The following RCAN2 variants were observed in gnomAD, a reference collection of about 807,000 sequenced individuals.
RCAN2 encodes the protein calcipressin-2.
RCAN2 carries 9 observed loss-of-function variants against 23.6 expected under a neutral mutation model. That is an observed-to-expected ratio of 0.38 (90% CI 0.23 to 0.67). The LOEUF is 0.67. RCAN2 is among the 30% of genes least tolerant of loss of function. The pLI, the probability that RCAN2 is intolerant of heterozygous loss-of-function variation, is 0.51. For synonymous variants in RCAN2, 109 were observed against 115.7 expected, an observed-to-expected ratio of 0.94 and a Z score of 0.37; for missense variants, 273 against 302.3, an observed-to-expected ratio of 0.90 and a Z score of 0.72.
At chr6:46,347,504 A>G (rs1448537560) in intron 2 of RCAN2, among the ~76,000 whole-genome samples, 2 of 152,232 alleles carry the variant, frequency 1.3e-5, no homozygotes, top group Admixed American at 1.3e-4. Flanking sequence ...CCTTACATTC[A>G]AGGGAAAAGT....
chr6:46,420,761 G>A lies in RCAN2; in HGVS notation c.225+35991C>T, dbSNP rs376370528. On this transcript the variant is annotated intron_variant, in intron 2 of 4. Transcript: ENST00000371374. Reference sequence around the variant, plus strand: ...GGGGTTTTATCATGTTGGCCAGGCTGGTCTCGAACTCTTGACCTCAGGTAA... The same window carrying A: ...GGGGTTTTATCATGTTGGCCAGGCTAGTCTCGAACTCTTGACCTCAGGTAA... Among the ~76,000 whole-genome samples the A allele has an allele frequency of 8.6e-5, 13 of 152,014 alleles. No homozygotes were observed. The East Asian group carries it at 2.3e-3, about 27-fold the overall frequency.
chr6:46,369,263 C>A (rs1765261297), intron 2 of RCAN2, among the ~76,000 whole-genome samples: 1 of 151,954 alleles, frequency 6.6e-6, no homozygotes, highest in Non-Finnish European at 1.5e-5. Context: ...TGGAATACCT[C>A]CTGAAGGACC....
chr6:46,288,294 G>C (rs1762434963), intron 2 of RCAN2, among the ~76,000 whole-genome samples: 1 of 152,182 alleles, frequency 6.6e-6, no homozygotes, highest in Admixed American at 6.5e-5. Flanking sequence ...TTGGAGAGTA[G>C]ACCAGCTTTC....
At chr6:46,237,330 C>G (rs1766137058) in intron 4 of RCAN2, among the ~76,000 whole-genome samples, 1 of 152,170 alleles carries the variant, frequency 6.6e-6, no homozygotes, top group South Asian at 2.1e-4. Flanking sequence ...AAAGAAGAGA[C>G]TATAAATTAT....
rs544081580 is a variant in RCAN2 at position 46,264,854 on chromosome 6, C to G, written c.226-15958G>C. 6.6e-5 allele frequency among the ~76,000 whole-genome samples: 10 copies of G among 152,298 alleles called. No homozygotes were observed. In the South Asian group the frequency reaches 2.1e-3, roughly 32 times the overall value. ...AAATGCTTTCTATATGCCAAGTCCACACTAGGCCCCGCACATATGCTAATT... is the reference window on the plus strand; with the variant it reads ...AAATGCTTTCTATATGCCAAGTCCAGACTAGGCCCCGCACATATGCTAATT... On this transcript the variant is annotated intron_variant, in intron 2 of 4. Coordinates refer to ENST00000371374, the MANE Select transcript of RCAN2 (RefSeq NM_001251974.2).
rs73456906 is a variant in RCAN2, at chr6:46,480,431, T to C, written c.-3+10742A>G. On this transcript the variant is annotated intron_variant, in intron 1 of 4. Coordinates refer to ENST00000371374, the MANE Select transcript of RCAN2 (RefSeq NM_001251974.2). The stretch of plus-strand genomic sequence containing the variant: ...AAGAATGCACTATCTTACCAAAACA[T>C]AAGCATTTCAAAATAATTTGAGTTT... Among the ~76,000 whole-genome samples, 380 of 152,266 alleles carry C rather than the reference T, an allele frequency of 2.5e-3. 2 individuals are homozygous for C. The highest frequency in any genetic ancestry group is 8.8e-3 in the African/African-American group (365 of 41,544).
intron 2 of RCAN2, among the ~76,000 whole-genome samples, chr6:46,403,467 G>T (rs1039939722): frequency 6.6e-6 from 1 of 151,936 alleles, no homozygotes; most frequent in Non-Finnish European, 1.5e-5. Context: ...AGTTACTTGG[G>T]AGGCTGAGGC....
intron 4 of RCAN2, among the ~76,000 whole-genome samples, chr6:46,227,565 A>C (rs982185738): frequency 4.3e-5 from 6 of 140,694 alleles, no homozygotes; most frequent in Non-Finnish European, 6.3e-5. Context: ...TTTCTAGTTT[A>C]TTTGCGTAGA....
intron 2 of RCAN2, among the ~76,000 whole-genome samples, chr6:46,377,492 G>T (rs1011832768): frequency 6.6e-6 from 1 of 152,184 alleles, no homozygotes; most frequent in African/African-American, 2.4e-5. Flanking sequence ...AAGAGACTTG[G>T]TGTACAGCGT....
intron 4 of RCAN2, among the ~76,000 whole-genome samples, chr6:46,232,533 TG>T (rs1765933385): frequency 6.6e-6 from 1 of 152,032 alleles, no homozygotes; most frequent in African/African-American, 2.4e-5. Context: ...GTCTCATGCC[TG>T]TAATGCCAGC....
At chr6:46,431,699 T>C (rs1479759176) in intron 2 of RCAN2, among the ~76,000 whole-genome samples, 1 of 152,208 alleles carries the variant, frequency 6.6e-6, no homozygotes, top group East Asian at 1.9e-4. Flanking sequence ...TTGGCTAGCT[T>C]CCTTTAACTT....
chr6:46,359,195 C>T (rs1375475014), intron 2 of RCAN2, among the ~76,000 whole-genome samples: 2 of 152,142 alleles, frequency 1.3e-5, no homozygotes, highest in Non-Finnish European at 2.9e-5. Flanking sequence ...TGCTCTAAGG[C>T]GTAACAGGTG....
intron 2 of RCAN2, among the ~76,000 whole-genome samples, chr6:46,387,131 C>A (rs1765778719): frequency 6.6e-6 from 1 of 152,138 alleles, no homozygotes; most frequent in African/African-American, 2.4e-5. Context: ...AAATGTTAGA[C>A]CTAAAACCAT....
At chr6:46,325,011 G>A (rs551236683) in intron 2 of RCAN2, among the ~76,000 whole-genome samples, 1 of 152,362 alleles carries the variant, frequency 6.6e-6, no homozygotes, top group East Asian at 1.9e-4. Flanking sequence ...TGGCCTGGAT[G>A]CTGGGTTTAT....
At chr6:46,379,069 T>C (rs1225444219) in intron 2 of RCAN2, among the ~76,000 whole-genome samples, 1 of 152,178 alleles carries the variant, frequency 6.6e-6, no homozygotes, top group East Asian at 1.9e-4. Context: ...GACTCATCAA[T>C]CAAATTAGTT....
At chr6:46,406,822 T>C (rs893405262) in intron 2 of RCAN2, among the ~76,000 whole-genome samples, 1 of 152,254 alleles carries the variant, frequency 6.6e-6, no homozygotes, top group Non-Finnish European at 1.5e-5. Flanking sequence ...TTATATTTTA[T>C]TCTCATTTCT....
chr6:46,309,578 G>A (rs1763187699), intron 2 of RCAN2, among the ~76,000 whole-genome samples: 1 of 152,096 alleles, frequency 6.6e-6, no homozygotes, highest in African/African-American at 2.4e-5. Flanking sequence ...TTAGGTTGGT[G>A]CTCAAGGTCA....
chr6:46,304,882 C>T (rs1017164943), intron 2 of RCAN2, among the ~76,000 whole-genome samples: 5 of 152,034 alleles, frequency 3.3e-5, no homozygotes, highest in Admixed American at 2.0e-4. Context: ...TTTACTAGAA[C>T]GGGGGGTGCC....
intron 2 of RCAN2, among the ~76,000 whole-genome samples, chr6:46,273,580 A>G (rs1228944136): frequency 4.6e-5 from 7 of 152,246 alleles, no homozygotes; most frequent in Admixed American, 4.6e-4. Context: ...GGAATAACTA[A>G]AAGTTATGAC....
Sources: gnomAD v4.1 joint callset for allele counts (sites outside exome capture counted in the v4.1 genomes callset) on GRCh38, gnomAD v4.1.1 for gene constraint, MANE v1.5 for transcripts, NCBI Gene and HGNC (gene_info 2026-07-23, HGNC 2026-07-21) for gene names.